The following RNF150 variants were observed in gnomAD, a reference collection of about 807,000 sequenced individuals.
RNF150 encodes ring finger protein 150.
A neutral mutation model predicts 39.3 loss-of-function variants in RNF150; 24 were observed. The ratio of observed to expected loss-of-function variants is 0.61; its 90% CI spans 0.44 to 0.86. The LOEUF is 0.86. Among genes scored for constraint, RNF150 ranks in the 40% least tolerant of loss-of-function variants. The pLI is 0.00. For missense variants in RNF150, 502 were observed against 587.8 expected (o/e 0.85, Z 1.51); for synonymous variants, 255 against 227.3 (o/e 1.12, Z -1.10).
At chr4:141,147,429 TTTCA>T (rs930319203) in intron 1 of RNF150, among the ~76,000 whole-genome samples, 4 of 152,168 alleles carry the variant, frequency 2.6e-5, no homozygotes, top group African/African-American at 9.6e-5. Context: ...CACAGGAGGT[TTTCA>T]TGTGGCAGAT....
intron 1 of RNF150, among the ~76,000 whole-genome samples, chr4:141,202,335 G>A (rs192265050): frequency 3.3e-5 from 5 of 152,220 alleles, no homozygotes; most frequent in Admixed American, 3.3e-4. Context: ...TAGGAAGAGA[G>A]CTAGGAGAAC....
intron 1 of RNF150, among the ~76,000 whole-genome samples, chr4:141,139,463 C>T (rs1441022303): frequency 6.6e-6 from 1 of 152,128 alleles, no homozygotes; most frequent in Non-Finnish European, 1.5e-5. Flanking sequence ...GATGATTGAA[C>T]CAGGTCGATT....
chr4:141,035,497 C>A (rs770793600), intron 1 of RNF150, among the ~76,000 whole-genome samples: 1 of 152,124 alleles, frequency 6.6e-6, no homozygotes, highest in East Asian at 1.9e-4. Context: ...AAAATGTATG[C>A]GATGCGATCC....
intron 3 of RNF150, 133 bp from the exon 4 acceptor site, chr4:140,947,869 T>G: frequency 1.8e-6 from 1 of 568,420 alleles, no homozygotes; most frequent in East Asian, 3.4e-5. Flanking sequence ...TTAAATCAAA[T>G]GTACCATCAA....
At chr4:140,873,048 C>T (rs1040236749) in intron 6 of RNF150, among the ~76,000 whole-genome samples, 12 of 152,202 alleles carry the variant, frequency 7.9e-5, no homozygotes, top group African/African-American at 2.9e-4. Context: ...ACACCTAGAG[C>T]AAAAGACCCA....
At chr4:140,957,754 C>T (rs1249264624) in intron 2 of RNF150, among the ~76,000 whole-genome samples, 1 of 151,942 alleles carries the variant, frequency 6.6e-6, no homozygotes, top group Non-Finnish European at 1.5e-5. Context: ...TTTGTAGGGA[C>T]ATGGATGAAA....
At chr4:141,162,532 A>G (rs560156488) in intron 1 of RNF150, among the ~76,000 whole-genome samples, 1 of 152,240 alleles carries the variant, frequency 6.6e-6, no homozygotes, top group South Asian at 2.1e-4. Context: ...CTGAATAGGA[A>G]CAGCTCCTGT....
intron 6 of RNF150, among the ~76,000 whole-genome samples, 184 bp from the exon 7 acceptor site, chr4:140,868,563 A>G (rs1353773832): frequency 2.0e-5 from 3 of 152,238 alleles, no homozygotes; most frequent in Non-Finnish European, 4.4e-5. Flanking sequence ...TTAAATGCAA[A>G]CAAAAGAAAC....
At chr4:141,065,256 T>C (rs1737407131) in intron 1 of RNF150, among the ~76,000 whole-genome samples, 1 of 152,258 alleles carries the variant, frequency 6.6e-6, no homozygotes, top group Non-Finnish European at 1.5e-5. Context: ...AACCCTTACG[T>C]CCTGGGTTAC....
At chr4:140,877,601 C>A (rs992161979) in intron 6 of RNF150, among the ~76,000 whole-genome samples, 1 of 152,218 alleles carries the variant, frequency 6.6e-6, no homozygotes, top group Non-Finnish European at 1.5e-5. Flanking sequence ...GTACACAGCA[C>A]TGCTGATGAG....
At chr4:141,079,867 C>T (rs1369871857) in intron 1 of RNF150, among the ~76,000 whole-genome samples, 1 of 152,226 alleles carries the variant, frequency 6.6e-6, no homozygotes, top group South Asian at 2.1e-4. Context: ...GGGCAAATTG[C>T]TAACCCTCCT....
intron 6 of RNF150, among the ~76,000 whole-genome samples, chr4:140,877,408 A>C (rs1560943991): frequency 6.6e-6 from 1 of 152,234 alleles, no homozygotes; most frequent in South Asian, 2.1e-4. Context: ...GATGAATGTA[A>C]ATATGATTGG....
At chr4:141,078,650 C>T (rs550163537) in intron 1 of RNF150, among the ~76,000 whole-genome samples, 33 of 150,924 alleles carry the variant, frequency 2.2e-4, no homozygotes, top group African/African-American at 7.5e-4. Context: ...ATTAGCCGGG[C>T]GCGGTGGCAG....
At chr4:141,038,212 C>T (rs1438627936) in intron 1 of RNF150, among the ~76,000 whole-genome samples, 1 of 152,086 alleles carries the variant, frequency 6.6e-6, no homozygotes, top group Non-Finnish European at 1.5e-5. Context: ...AAAAACTGCC[C>T]TCAATCTCTG....
At chr4:141,167,512 G>A (rs1307833787) in intron 1 of RNF150, among the ~76,000 whole-genome samples, 7 of 151,344 alleles carry the variant, frequency 4.6e-5, no homozygotes, top group East Asian at 3.9e-4. Context: ...AGAAGAAAGT[G>A]AGAAGCATCA....
chr4:140,956,638 T>C (rs1732765628), intron 2 of RNF150, among the ~76,000 whole-genome samples: 1 of 152,144 alleles, frequency 6.6e-6, no homozygotes, highest in Non-Finnish European at 1.5e-5. Flanking sequence ...AAGATCACAC[T>C]ACCTGACTTC....
In RNF150 at chr4:140,915,912, C is replaced by T. The variant is rs112308827; in HGVS notation, c.988-4558G>A. On this transcript the variant is annotated intron_variant, in intron 5 of 6. Coordinates refer to ENST00000515673, the MANE Select transcript of RNF150 (RefSeq NM_020724.2). ...CCAATATCTGCTGTTCTGCAGCCAC[C>T]GCTGCTGATACCCAGGCAAACAGGG... Among the ~76,000 whole-genome samples the T allele has an allele frequency of 9.1e-3, 1,385 of 152,316 alleles. 22 individuals are homozygous for T. Among genetic ancestry groups the T allele is most frequent in the African/African-American group, 0.03 (1,259 of 41,544 alleles).
chr4:141,179,883 A>T (rs189974399), intron 1 of RNF150, among the ~76,000 whole-genome samples: 1 of 152,314 alleles, frequency 6.6e-6, no homozygotes, highest in Non-Finnish European at 1.5e-5. Flanking sequence ...CACACCGCAG[A>T]TGCATACTTT....
chr4:140,949,749 C>T (rs2111377424), intron 2 of RNF150, among the ~76,000 whole-genome samples: 1 of 152,088 alleles, frequency 6.6e-6, no homozygotes, highest in African/African-American at 2.4e-5. Flanking sequence ...GATAGCCAAT[C>T]TGGAGTAGCT....
Sources: gnomAD v4.1 joint callset for allele counts (sites outside exome capture counted in the v4.1 genomes callset) on GRCh38, gnomAD v4.1.1 for gene constraint, MANE v1.5 for transcripts, NCBI Gene and HGNC (gene_info 2026-07-23, HGNC 2026-07-21) for gene names.